Variants in GRIK3 observed in about 807,000 individuals in gnomAD.
GRIK3 encodes glutamate receptor ionotropic, kainate 3.
GRIK3 carries 29 observed loss-of-function variants against 102.5 expected under a neutral mutation model. The ratio of observed to expected loss-of-function variants is 0.28; its 90% CI spans 0.21 to 0.39. The LOEUF is 0.39. Ranked by LOEUF, GRIK3 falls within the 10% of genes least tolerant of loss-of-function variation. The pLI is 1.00. For missense variants in GRIK3, 908 were observed against 1,252.4 expected (o/e 0.73, Z 4.15); for synonymous variants, 511 against 504.9 (o/e 1.01, Z -0.16).
chr1:36,816,532 G>A (rs1251079093), intron 13 of GRIK3, among the ~76,000 whole-genome samples: 2 of 152,322 alleles, frequency 1.3e-5, no homozygotes, highest in East Asian at 3.9e-4. Flanking sequence ...GCAGGTGACA[G>A]GGATTTTATC....
At chr1:36,816,549 C>T (rs1181060756) in intron 13 of GRIK3, among the ~76,000 whole-genome samples, 6 of 152,234 alleles carry the variant, frequency 3.9e-5, no homozygotes. Context: ...TATCTGCTGA[C>T]ACCAGCATTC....
At chr1:37,031,731 G>A (rs1188675641) in intron 1 of GRIK3, among the ~76,000 whole-genome samples, 2 of 152,242 alleles carry the variant, frequency 1.3e-5, no homozygotes, top group Non-Finnish European at 2.9e-5. Flanking sequence ...AAAAGGGAGA[G>A]GGCACTGGGC....
intron 1 of GRIK3, among the ~76,000 whole-genome samples, chr1:36,924,823 G>A (rs892756194): frequency 1.5e-4 from 23 of 152,024 alleles, no homozygotes; most frequent in South Asian, 2.1e-4. Flanking sequence ...ACACCTTCTC[G>A]CAGGGGACAC....
intron 1 of GRIK3, among the ~76,000 whole-genome samples, chr1:36,955,295 G>A (rs942262574): frequency 1.3e-5 from 2 of 152,176 alleles, no homozygotes; most frequent in Non-Finnish European, 2.9e-5. Context: ...GGTGTGGGGC[G>A]GTGGGGTACA....
intron 1 of GRIK3, among the ~76,000 whole-genome samples, chr1:37,006,022 G>T (rs1642528954): frequency 6.6e-6 from 1 of 152,172 alleles, no homozygotes; most frequent in Non-Finnish European, 1.5e-5. Flanking sequence ...AAGGGGATAA[G>T]GCCCGGAGTT....
chr1:36,935,781 C>T (rs2124318197), intron 1 of GRIK3, among the ~76,000 whole-genome samples: 1 of 152,330 alleles, frequency 6.6e-6, no homozygotes, highest in South Asian at 2.1e-4. Context: ...ATTAGTTTGG[C>T]AACTCAAAGA....
intron 5 of GRIK3, among the ~76,000 whole-genome samples, chr1:36,868,243 G>C (rs1640807091): frequency 6.6e-6 from 1 of 152,220 alleles, no homozygotes; most frequent in Non-Finnish European, 1.5e-5. Context: ...AGAGTTTCAG[G>C]GGTCTGGTAG....
chr1:36,810,750 A>T (rs182921836), intron 13 of GRIK3, among the ~76,000 whole-genome samples: 2 of 152,284 alleles, frequency 1.3e-5, no homozygotes, highest in East Asian at 1.9e-4. Context: ...GCCTTACTGG[A>T]TCCATGGATT....
At chr1:36,907,405 T>C (rs1641295686) in intron 1 of GRIK3, among the ~76,000 whole-genome samples, 2 of 152,172 alleles carry the variant, frequency 1.3e-5, no homozygotes, top group African/African-American at 4.8e-5. Context: ...CCATGCATTT[T>C]TCATACAGTG....
At chr1:36,915,304 C>T (rs1027218574) in intron 1 of GRIK3, among the ~76,000 whole-genome samples, 1 of 152,194 alleles carries the variant, frequency 6.6e-6, no homozygotes, top group South Asian at 2.1e-4. Flanking sequence ...ACCCTCAGCA[C>T]TTAGAAGTTC....
At chr1:36,893,125 G>A (rs2124274955) in intron 1 of GRIK3, among the ~76,000 whole-genome samples, 2 of 152,178 alleles carry the variant, frequency 1.3e-5, no homozygotes, top group South Asian at 2.1e-4. Context: ...TTACAATATT[G>A]GGTAGAGGAG....
At chr1:36,941,141 A>C (rs1276634162) in intron 1 of GRIK3, among the ~76,000 whole-genome samples, 2 of 152,122 alleles carry the variant, frequency 1.3e-5, no homozygotes, top group Non-Finnish European at 2.9e-5. Flanking sequence ...CAGGTCTCCC[A>C]TGATAGAATG....
At chr1:36,936,664 G>T (rs113826412) in intron 1 of GRIK3, among the ~76,000 whole-genome samples, 273 of 152,196 alleles carry the variant, frequency 1.8e-3, no homozygotes, top group African/African-American at 6.3e-3. Context: ...ACTCACACAC[G>T]TACTTGTTTA....
chr1:36,934,099 G>A (rs1459356843), intron 1 of GRIK3, among the ~76,000 whole-genome samples: 1 of 152,180 alleles, frequency 6.6e-6, no homozygotes, highest in Non-Finnish European at 1.5e-5. Context: ...CTGTCTGAGG[G>A]TGAGTGAGTA....
chr1:36,829,933 C>T (rs569185457), intron 10 of GRIK3, among the ~76,000 whole-genome samples: 2 of 152,318 alleles, frequency 1.3e-5, no homozygotes, highest in African/African-American at 2.4e-5. Flanking sequence ...AACAACTTGT[C>T]ACTGATCAGC....
intron 1 of GRIK3, among the ~76,000 whole-genome samples, chr1:36,928,913 A>G (rs1557428756): frequency 1.3e-5 from 2 of 152,218 alleles, no homozygotes; most frequent in Non-Finnish European, 2.9e-5. Context: ...GTCCTGGAGG[A>G]GATAGCACCT....
intron 1 of GRIK3, among the ~76,000 whole-genome samples, chr1:36,956,759 C>A (rs1430495005): frequency 6.6e-6 from 1 of 152,242 alleles, no homozygotes; most frequent in Non-Finnish European, 1.5e-5. Context: ...CCCGGGCCAA[C>A]AATTGACTCT....
intron 15 of GRIK3, among the ~76,000 whole-genome samples, chr1:36,803,868 C>T (rs1221894745): frequency 1.3e-5 from 2 of 152,188 alleles, no homozygotes; most frequent in African/African-American, 2.4e-5. Context: ...CCCATCTCTT[C>T]GTGTTATAAT....
Position 36,831,987 on chromosome 1 carries a change from T to G in GRIK3, c.1531-6161A>C, listed in dbSNP as rs1055569257. 3.3e-5 allele frequency among the ~76,000 whole-genome samples: 5 copies of G among 152,190 alleles called. No homozygotes were observed. In the South Asian group the frequency reaches 1.0e-3, roughly 32 times the overall value. ...TGGAACCTCTTCCTCCCCAAACTCT[T>G]TGTCTAGTGAATGCCGACTTCTGCT... On this transcript the variant is annotated intron_variant, in intron 10 of 15. Transcript: ENST00000373091.
Sources: allele counts gnomAD v4.1 joint callset (sites outside exome capture counted in the v4.1 genomes callset), GRCh38; gene constraint gnomAD v4.1.1; transcripts MANE v1.5; gene names NCBI Gene and HGNC (gene_info 2026-07-23, HGNC 2026-07-21).